The following SHANK2 variants were observed in gnomAD, a reference collection of about 807,000 sequenced individuals.
SHANK2 encodes SH3 and multiple ankyrin repeat domains protein 2.
Under a neutral mutation model 133.7 loss-of-function variants are expected in SHANK2, and 43 were observed. That is an observed-to-expected ratio of 0.32 (90% confidence interval 0.25 to 0.41). The LOEUF is 0.41. Among genes scored for constraint, SHANK2 ranks in the 10% least tolerant of loss-of-function variants. The pLI, the probability that SHANK2 is intolerant of heterozygous loss-of-function variation, is 1.00. For missense variants in SHANK2, 1,994 were observed against 2,235.8 expected (o/e 0.89, Z 2.18); for synonymous variants, 1,017 against 952.8 (o/e 1.07, Z -1.24).
chr11:70,669,121 T>C (rs558891448), intron 15 of SHANK2: 19 of 152,422 alleles, frequency 1.2e-4, no homozygotes, highest in African/African-American at 4.1e-4. Context: ...ATGATCATGC[T>C]TCCATCTGAA....
chr11:71,066,873 C>T (rs915279487), intron 9 of SHANK2, among the ~76,000 whole-genome samples: 121 of 152,228 alleles, frequency 7.9e-4, no homozygotes, highest in African/African-American at 2.6e-3. Context: ...AGGGTAAGTA[C>T]GAACACACCC....
intron 11 of SHANK2, among the ~76,000 whole-genome samples, chr11:70,874,080 TCATC>T (rs369658411): frequency 3.9e-4 from 59 of 152,236 alleles, no homozygotes; most frequent in African/African-American, 1.3e-3. Context: ...ATCCATCCAT[TCATC>T]CATCCATCCA....
At position 70,486,931 on chromosome 11, in the gene SHANK2, G is replaced by A. The variant is rs370128754; in HGVS notation, c.3362C>T (p.Thr1121Met). 1.2e-6 allele frequency: 2 copies of A among 1,612,404 alleles called. No homozygotes were observed. The highest frequency in any genetic ancestry group is 2.7e-5 in the African/African-American group (2 of 74,934). The change falls in exon 25 of 26, where the codon ACG (threonine) becomes ATG (methionine). Residue 1121 changes from threonine to methionine, a missense_variant. By Grantham distance (81) the Thr-to-Met change is moderately conservative (BLOSUM62 -1). Transcript: ENST00000601538. This position sits in a 1 kb window ranked among gnomAD's most constrained non-coding sequence, Gnocchi z 8.0. ...DVGLGPPAPR[T>M]RPSMFPEEGD... ...CTCCTCGGGGAACATGGAGGGCCGC[G>A]TCCTGGGGGCGGGTGGCCCCAGGCC...
chr11:71,059,949 G>C (rs2135930199), intron 9 of SHANK2, among the ~76,000 whole-genome samples: 1 of 152,290 alleles, frequency 6.6e-6, no homozygotes, highest in South Asian at 2.1e-4. Flanking sequence ...AGTCAGGCAT[G>C]TGGAAGTGAG....
At chr11:70,639,082 G>A (rs2061144554) in intron 17 of SHANK2, among the ~76,000 whole-genome samples, 2 of 152,170 alleles carry the variant, frequency 1.3e-5, no homozygotes, top group Non-Finnish European at 2.9e-5. Context: ...GAGCCAGCCT[G>A]GGCTGGTGCT....
At chr11:70,757,517 C>T (rs535795540) in intron 14 of SHANK2, among the ~76,000 whole-genome samples, 55 of 152,342 alleles carry the variant, frequency 3.6e-4, no homozygotes. Context: ...CAAGCAAAAC[C>T]CCAGCTTTCC....
chr11:71,085,801 CATAAT>C (rs1378972658), intron 8 of SHANK2, among the ~76,000 whole-genome samples: 27 of 54,918 alleles, frequency 4.9e-4, no homozygotes, highest in Non-Finnish European at 6.8e-4. Flanking sequence ...TATGATACAA[CATAAT>C]ATATTATGTT....
chr11:70,837,981 AAAAAAAAAAAAAAAAAAAAAG>A (rs1169939557), intron 11 of SHANK2, among the ~76,000 whole-genome samples: 1 of 148,820 alleles, frequency 6.7e-6, no homozygotes, highest in African/African-American at 2.5e-5. Context: ...GTCTCAAAAA[AAAAAAAAAAAAAAAAAAAAAG>A]AAAAAAAAAA....
intron 8 of SHANK2, among the ~76,000 whole-genome samples, chr11:71,079,813 A>AAAAGAGAAAGGG (rs1951269553): frequency 1.5e-5 from 2 of 135,090 alleles, no homozygotes; most frequent in African/African-American, 2.7e-5. Context: ...GAGAGAAAGA[A>AAAAGAGAAAGGG]AAAGAGAAAG....
chr11:70,641,102 C>CTTT (rs71049932), intron 17 of SHANK2, among the ~76,000 whole-genome samples: 1 of 139,076 alleles, frequency 7.2e-6, no homozygotes, highest in African/African-American at 2.7e-5. Flanking sequence ...TTTTTCTTTT[C>CTTT]TTTTTTTTTT....
At chr11:70,880,536 C>G (rs1352267337) in intron 11 of SHANK2, among the ~76,000 whole-genome samples, 1 of 152,220 alleles carries the variant, frequency 6.6e-6, no homozygotes, top group Admixed American at 6.5e-5. Flanking sequence ...TCTGAGACTT[C>G]CATTCAAGTC....
chr11:71,249,275 C>A (rs576496943), intron 1 of SHANK2, among the ~76,000 whole-genome samples: 1 of 152,278 alleles, frequency 6.6e-6, no homozygotes, highest in South Asian at 2.1e-4. Flanking sequence ...CCCTTCTCCC[C>A]TCTCCTTCCC....
intron 14 of SHANK2, among the ~76,000 whole-genome samples, chr11:70,759,313 C>T (rs201713577): frequency 1.9e-4 from 29 of 150,530 alleles, no homozygotes; most frequent in Admixed American, 2.6e-4. Context: ...GGCCAAACCC[C>T]GTCACTAGTA....
intron 17 of SHANK2, among the ~76,000 whole-genome samples, chr11:70,564,833 G>A (rs2059948784): frequency 6.6e-6 from 1 of 152,074 alleles, no homozygotes; most frequent in South Asian, 2.1e-4. Flanking sequence ...AGTTTGATTT[G>A]GGTTAAAATG....
intron 14 of SHANK2, among the ~76,000 whole-genome samples, chr11:70,725,300 G>C (rs1946155924): frequency 6.6e-6 from 1 of 152,218 alleles, no homozygotes; most frequent in Admixed American, 6.5e-5. Context: ...ATTTGCAGCT[G>C]GTTCTGTGTC....
intron 14 of SHANK2, among the ~76,000 whole-genome samples, chr11:70,764,777 C>T (rs1377771899): frequency 2.6e-5 from 4 of 151,950 alleles, no homozygotes; most frequent in African/African-American, 9.7e-5. Flanking sequence ...CTCACACATC[C>T]ATCCATCCAC....
At position 70,487,470 on chromosome 11, in the gene SHANK2, C is replaced by T. The variant is rs2058827268; in HGVS notation, c.2823G>A (p.Val941=). The T allele has an allele frequency of 1.2e-6, 2 of 1,614,046 alleles. No individual in the cohort carries two copies. The highest frequency in any genetic ancestry group is 1.7e-6 in the Non-Finnish European group (2 of 1,180,030). The change falls in exon 25 of 26, where the codon GTG becomes GTA. Residue 941 remains valine, a synonymous_variant. Transcript: ENST00000601538. This position sits in a 1 kb window ranked among gnomAD's most constrained non-coding sequence, Gnocchi z 5.8. ...KVSPATRSDT[V]ATMMREKGMY... is the part of the protein sequence containing the mutation. ...TCCCCTTCTCCCTCATCATGGTGGC[C>T]ACGGTGTCGGACCTGGTGGCGGGGG...
chr11:70,523,168 C>T (rs932619000), intron 17 of SHANK2, among the ~76,000 whole-genome samples: 5 of 152,190 alleles, frequency 3.3e-5, no homozygotes, highest in South Asian at 4.1e-4. Flanking sequence ...TGCATCTGCC[C>T]GGGCCAGCTG....
intron 10 of SHANK2, among the ~76,000 whole-genome samples, chr11:70,904,510 G>GTT (rs11336653): frequency 0.049 from 6,654 of 136,218 alleles, 590 homozygotes; most frequent in African/African-American, 0.18. Flanking sequence ...GATCTGATGG[G>GTT]TTTTTTTTTT....
Sources: gnomAD v4.1 joint callset for allele counts (sites outside exome capture counted in the v4.1 genomes callset) on GRCh38, gnomAD v4.1.1 for gene constraint, Gnocchi (gnomAD v3.1) non-coding constraint, MANE v1.5 for transcripts, NCBI Gene and HGNC (gene_info 2026-07-23, HGNC 2026-07-21) for gene names.